IGSF10: variants seen among roughly 807,000 people sequenced by gnomAD.
IGSF10 encodes calvaria mechanical force protein 608.
In IGSF10, 126 loss-of-function variants were observed where a neutral mutation model predicts 128.2. The ratio of observed to expected loss-of-function variants is 0.98; its 90% CI spans 0.85 to 1.14. IGSF10 has a LOEUF of 1.14. IGSF10 is among the 50% of genes most tolerant of loss of function. The pLI, the probability that IGSF10 is intolerant of heterozygous loss-of-function variation, is 0.00. For missense variants in IGSF10, 3,295 were observed against 3,149.8 expected (o/e 1.05, Z -1.10); for synonymous variants, 1,185 against 1,146.2 (o/e 1.03, Z -0.68).
At chr3:151,532,191 C>G in the IGSF10 span, among the ~76,000 whole-genome samples, 1 of 151,994 alleles carries the variant, frequency 6.6e-6, no homozygotes, top group Non-Finnish European at 1.5e-5. Flanking sequence ...AATTAATAGC[C>G]TACAAACACC....
chr3:151,616,152 C>G, the IGSF10 span, among the ~76,000 whole-genome samples: 14 of 151,838 alleles, frequency 9.2e-5, no homozygotes, highest in Admixed American at 9.2e-4. Context: ...TTAGTAGAGA[C>G]AGGGTTTCTC....
At chr3:151,449,602 T>C (rs1175202580) in intron 5 of IGSF10, among the ~76,000 whole-genome samples, 1 of 152,236 alleles carries the variant, frequency 6.6e-6, no homozygotes, top group Admixed American at 6.5e-5. Context: ...GATATGCTCA[T>C]GTTTGTCAGT....
chr3:151,443,858 T>G lies in IGSF10; in HGVS notation c.5089A>C (p.Asn1697His). 1 of 1,607,696 alleles carries G rather than the reference T, an allele frequency of 6.2e-7. No homozygotes were observed. Among genetic ancestry groups the G allele is most frequent in the South Asian group, 1.1e-5 (1 of 90,704 alleles). ...SGLDLSKRKQ[N>H]SRVQVLPNGT... ...TTGGGGAGAACCTGGACCCTGCTATTCTGTTTCCTCTTAGATAAATCAAGT... is the reference window on the plus strand; with the variant it reads ...TTGGGGAGAACCTGGACCCTGCTATGCTGTTTCCTCTTAGATAAATCAAGT... Residue 1697 changes from asparagine (N) to histidine (H), a missense_variant, in exon 7 of 8, where the codon AAT becomes CAT. Transcript: ENST00000282466.
chr3:151,557,285 T>C, the IGSF10 span, among the ~76,000 whole-genome samples: 1 of 151,992 alleles, frequency 6.6e-6, no homozygotes, highest in Non-Finnish European at 1.5e-5. Context: ...GAAGAGTAAA[T>C]AAATTTAAGA....
At chr3:151,500,769 T>C in the IGSF10 span, among the ~76,000 whole-genome samples, 1 of 152,144 alleles carries the variant, frequency 6.6e-6, no homozygotes, top group Admixed American at 6.6e-5. Flanking sequence ...TTTTCTCTGG[T>C]ATTCAACCCT....
chr3:151,476,104 A>T, the IGSF10 span: 1 of 152,128 alleles, frequency 6.6e-6, no homozygotes, highest in African/African-American at 2.4e-5. Flanking sequence ...CAGTCCAAAC[A>T]TTTGGATTGG....
the IGSF10 span, among the ~76,000 whole-genome samples, chr3:151,606,757 T>C: frequency 6.6e-6 from 1 of 152,124 alleles, no homozygotes; most frequent in African/African-American, 2.4e-5. Context: ...GCTTTTCCAA[T>C]TGCTGGTTCC....
At chr3:151,535,974 C>T in the IGSF10 span, among the ~76,000 whole-genome samples, 1 of 152,152 alleles carries the variant, frequency 6.6e-6, no homozygotes. Context: ...GATGGCACTA[C>T]TTTCAGGGGC....
chr3:151,610,365 A>G, the IGSF10 span, among the ~76,000 whole-genome samples: 1 of 152,204 alleles, frequency 6.6e-6, no homozygotes, highest in East Asian at 1.9e-4. Context: ...TCAATAAATG[A>G]GTACTCTAGG....
the IGSF10 span, among the ~76,000 whole-genome samples, chr3:151,489,309 A>G: frequency 6.6e-6 from 1 of 152,196 alleles, no homozygotes; most frequent in Admixed American, 6.5e-5. Context: ...GGTGATCATT[A>G]AAAAGTAGGA....
the IGSF10 span, among the ~76,000 whole-genome samples, chr3:151,518,007 T>G: frequency 2.6e-5 from 4 of 151,934 alleles, no homozygotes; most frequent in Admixed American, 1.3e-4. Flanking sequence ...TTACAATGGT[T>G]TTGGTGCTTT....
Position 151,449,178 on chromosome 3 carries a change from G to A in IGSF10, c.803C>T (p.Pro268Leu), listed in dbSNP as rs569321772. The change falls in exon 6 of 8, where the codon CCG becomes CTG. Residue 268 changes from proline to leucine, a missense_variant. Coordinates refer to ENST00000282466, the MANE Select transcript of IGSF10 (RefSeq NM_178822.5). ...CMNPRTSKGKPLAMVSAAAFQ... is the reference protein window; with the variant it reads ...CMNPRTSKGKLLAMVSAAAFQ... The stretch of plus-strand genomic sequence containing the variant: ...AGCTGCAGCTGAGACCATAGCTAAC[G>A]GCTTGCCTTTAGAAGTCCTAGGGTT... 1.1e-5 allele frequency: 17 copies of A among 1,614,162 alleles called. No homozygotes were observed. The highest frequency in any genetic ancestry group is 1.6e-4 in the Middle Eastern group (1 of 6,062).
At chr3:151,475,659 A>G in the IGSF10 span, 2 of 152,032 alleles carry the variant, frequency 1.3e-5, no homozygotes, top group Non-Finnish European at 2.9e-5. Context: ...TTTTGTCTGT[A>G]AGTTTGTTCT....
chr3:151,614,225 A>T, the IGSF10 span, among the ~76,000 whole-genome samples: 2 of 152,218 alleles, frequency 1.3e-5, no homozygotes, highest in African/African-American at 4.8e-5. Flanking sequence ...TGTTGGTGGG[A>T]CTGTAACCTA....
At chr3:151,439,407 G>GT (rs1720699627) in intron 7 of IGSF10, among the ~76,000 whole-genome samples, 1 of 152,226 alleles carries the variant, frequency 6.6e-6, no homozygotes, top group Non-Finnish European at 1.5e-5. Flanking sequence ...GAGGGCAGGA[G>GT]TTTGAGACTA....
At chr3:151,552,486 T>G in the IGSF10 span, among the ~76,000 whole-genome samples, 2 of 152,096 alleles carry the variant, frequency 1.3e-5, no homozygotes, top group Non-Finnish European at 2.9e-5. Flanking sequence ...GAATTTTATT[T>G]TCCTTTTATG....
At chr3:151,563,826 T>C in the IGSF10 span, among the ~76,000 whole-genome samples, 22 of 152,238 alleles carry the variant, frequency 1.4e-4, no homozygotes, top group African/African-American at 5.3e-4. Context: ...TGCTAGGCAC[T>C]GTTTTAAATG....
chr3:151,461,096 T>A (rs1722038263), upstream of IGSF10: 5 of 985,254 alleles, frequency 5.1e-6, no homozygotes, highest in African/African-American at 5.2e-5. Context: ...GAGCCCGACT[T>A]CTGTGTCTGG....
the IGSF10 span, among the ~76,000 whole-genome samples, chr3:151,506,780 T>C: frequency 6.6e-6 from 1 of 152,126 alleles, no homozygotes. Flanking sequence ...AACAATTTCT[T>C]ATGGCAACAA....
Sources: allele counts gnomAD v4.1 joint callset (sites outside exome capture counted in the v4.1 genomes callset), GRCh38; gene constraint gnomAD v4.1.1; transcripts MANE v1.5; gene names NCBI Gene and HGNC (gene_info 2026-07-23, HGNC 2026-07-21).